SEMA3E: variants seen among roughly 807,000 people sequenced by gnomAD.
The protein encoded by SEMA3E is semaphorin 3E.
In SEMA3E, 49 loss-of-function variants were observed where a neutral mutation model predicts 93.6. The ratio of observed to expected loss-of-function variants is 0.52; its 90% CI spans 0.42 to 0.66. The LOEUF is 0.66. Among genes scored for constraint, SEMA3E ranks in the 30% least tolerant of loss-of-function variants. The probability of loss-of-function intolerance (pLI) is 0.00; values close to 1 mark genes in which losing one functional copy is unlikely to be tolerated. For missense variants in SEMA3E, 906 were observed against 964.8 expected (o/e 0.94, Z 0.81); for synonymous variants, 363 against 330.7 (o/e 1.10, Z -1.06).
In SEMA3E at chr7:83,605,484, A is replaced by C. The variant is rs552953876; in HGVS notation, c.115+42944T>G. On this transcript the variant is annotated intron_variant, in intron 1 of 16. Coordinates refer to ENST00000643230, the MANE Select transcript of SEMA3E (RefSeq NM_012431.3). Reference sequence around the variant, plus strand: ...CTTGCTCTGTTGCCCAGGCTGGAGCACAGTGGTGCGATCTCAATTCACTGC... The same window carrying C: ...CTTGCTCTGTTGCCCAGGCTGGAGCCCAGTGGTGCGATCTCAATTCACTGC... 3.7e-4 allele frequency among the ~76,000 whole-genome samples: 56 copies of C among 150,528 alleles called. 4 individuals are homozygous for C. In the South Asian group the frequency reaches 0.011, roughly 30 times the overall value.
At chr7:83,460,231 A>G (rs1160240695) in intron 4 of SEMA3E, among the ~76,000 whole-genome samples, 1 of 152,134 alleles carries the variant, frequency 6.6e-6, no homozygotes, top group African/African-American at 2.4e-5. Flanking sequence ...CCTCAGACTG[A>G]CCAGCCCAAG....
At chr7:83,598,361 G>T (rs1482226068) in intron 1 of SEMA3E, among the ~76,000 whole-genome samples, 1 of 152,154 alleles carries the variant, frequency 6.6e-6, no homozygotes, top group Non-Finnish European at 1.5e-5. Flanking sequence ...CTCTAAGAAT[G>T]CCACCATGAT....
chr7:83,614,011 C>T (rs549254237), intron 1 of SEMA3E, among the ~76,000 whole-genome samples: 1 of 151,966 alleles, frequency 6.6e-6, no homozygotes, highest in Non-Finnish European at 1.5e-5. Context: ...GCATCAAGTA[C>T]GTGAGGTTGA....
chr7:83,630,244 G>A (rs1268498722), intron 1 of SEMA3E, among the ~76,000 whole-genome samples: 10 of 152,118 alleles, frequency 6.6e-5, no homozygotes, highest in Admixed American at 1.3e-4. Flanking sequence ...CATCTTGCCC[G>A]GGAATAAAAA....
intron 4 of SEMA3E, among the ~76,000 whole-genome samples, chr7:83,428,737 C>T (rs566796419): frequency 3.3e-5 from 5 of 152,012 alleles, no homozygotes; most frequent in Non-Finnish European, 5.9e-5. Flanking sequence ...ATTTTAATTG[C>T]GTTTTAACAT....
At chr7:83,390,573 G>GT (rs1787998684) in intron 14 of SEMA3E, among the ~76,000 whole-genome samples, 4 of 152,176 alleles carry the variant, frequency 2.6e-5, no homozygotes, top group Admixed American at 2.6e-4. Flanking sequence ...TTAATGACCT[G>GT]TTTTCAATTT....
intron 1 of SEMA3E, among the ~76,000 whole-genome samples, chr7:83,525,422 A>T (rs937890855): frequency 5.9e-5 from 9 of 152,114 alleles, no homozygotes; most frequent in Non-Finnish European, 1.0e-4. Context: ...TACTAAAAAA[A>T]GTATTCAATT....
intron 4 of SEMA3E, among the ~76,000 whole-genome samples, chr7:83,465,274 CCTTCGCTGACTCT>C (rs1378238072): frequency 1.3e-5 from 2 of 152,048 alleles, no homozygotes; most frequent in Non-Finnish European, 2.9e-5. Flanking sequence ...CCCTTATCTC[CCTTCGCTGACTCT>C]CTTTTCAGAC....
intron 2 of SEMA3E, among the ~76,000 whole-genome samples, chr7:83,474,925 T>C (rs1789977878): frequency 6.6e-6 from 1 of 152,012 alleles, no homozygotes; most frequent in South Asian, 2.1e-4. Context: ...TGTGGATGTA[T>C]AAATTATTCA....
chr7:83,406,151 A>G (rs1343129490), intron 7 of SEMA3E, 92 bp from the exon 8 acceptor site: 2 of 925,254 alleles, frequency 2.2e-6, no homozygotes, highest in Non-Finnish European at 3.6e-6. Flanking sequence ...GCCAAGAGTT[A>G]TGACTTTTTT....
chr7:83,400,843 CT>C (rs1788222254), intron 10 of SEMA3E, among the ~76,000 whole-genome samples: 1 of 152,046 alleles, frequency 6.6e-6, no homozygotes, highest in Admixed American at 6.6e-5. Context: ...GGGAAACAAT[CT>C]ATTGTTCACA....
At chr7:83,623,812 G>A (rs1793612515) in intron 1 of SEMA3E, among the ~76,000 whole-genome samples, 1 of 151,682 alleles carries the variant, frequency 6.6e-6, no homozygotes, top group South Asian at 2.1e-4. Flanking sequence ...TGCCATAGTG[G>A]TTTGCTGCAC....
chr7:83,394,345 T>A lies in SEMA3E; in HGVS notation c.1459-7A>T, dbSNP rs1258010401. ...AAATAATAGGAACTGGATCCTGAAA[T>A]TTTAAAAAAGTTTTCATTTTTAAGA... On this transcript the variant is annotated splice_region_variant and splice_polypyrimidine_tract_variant and intron_variant, in intron 12 of 16. Transcript: ENST00000643230. 3.1e-6 allele frequency: 5 copies of A among 1,612,120 alleles called. No individual in the cohort carries two copies. Among genetic ancestry groups the A allele is most frequent in the Non-Finnish European group, 8.5e-7 (1 of 1,179,110 alleles).
rs564281695 is a variant in SEMA3E, at chr7:83,449,139, G to A, written c.456+17343C>T. On this transcript the variant is annotated intron_variant, in intron 4 of 16. Transcript: ENST00000643230. ...TTATGAGACAGGTTCTGGCTCTGTC[G>A]CTCAGGCTGGAGTGCAGTGGCGTAA... Among the ~76,000 whole-genome samples the A allele has an allele frequency of 1.4e-4, 21 of 149,932 alleles. No individual in the cohort carries two copies. The South Asian group carries it at 3.8e-3, about 27-fold the overall frequency.
chr7:83,554,084 T>C (rs1741009529), intron 1 of SEMA3E, among the ~76,000 whole-genome samples: 1 of 152,186 alleles, frequency 6.6e-6, no homozygotes, highest in African/African-American at 2.4e-5. Context: ...TAATTTAATA[T>C]GTTAAGAATA....
intron 5 of SEMA3E, among the ~76,000 whole-genome samples, chr7:83,412,948 A>G (rs1380287973): frequency 6.6e-6 from 1 of 152,102 alleles, no homozygotes; most frequent in East Asian, 1.9e-4. Context: ...TTTTTCAAAA[A>G]TTGATCCCCA....
intron 2 of SEMA3E, among the ~76,000 whole-genome samples, chr7:83,479,045 C>T (rs1271135730): frequency 6.6e-6 from 1 of 152,220 alleles, no homozygotes; most frequent in East Asian, 1.9e-4. Context: ...CTAGAAGATT[C>T]CGTTTCAACA....
chr7:83,514,994 A>G (rs982813991), intron 1 of SEMA3E, among the ~76,000 whole-genome samples: 3 of 152,202 alleles, frequency 2.0e-5, no homozygotes, highest in African/African-American at 4.8e-5. Flanking sequence ...TTTTTTCCAC[A>G]TACTATTTTC....
chr7:83,591,687 T>G (rs1792759747), intron 1 of SEMA3E, among the ~76,000 whole-genome samples: 1 of 151,988 alleles, frequency 6.6e-6, no homozygotes, highest in Non-Finnish European at 1.5e-5. Context: ...TCACAAGGTT[T>G]GAACAAAATA....
Sources: allele counts gnomAD v4.1 joint callset (sites outside exome capture counted in the v4.1 genomes callset), GRCh38; gene constraint gnomAD v4.1.1; transcripts MANE v1.5; gene names NCBI Gene and HGNC (gene_info 2026-07-23, HGNC 2026-07-21).